Variants in LIPA observed in about 807,000 individuals in gnomAD.
LIPA encodes lipase A, lysosomal acid type.
LIPA carries 26 observed loss-of-function variants against 40.6 expected under a neutral mutation model. That is an observed-to-expected ratio of 0.64 (90% CI 0.47 to 0.89). The LOEUF (loss-of-function observed/expected upper bound fraction) is 0.89, where lower values mean the gene tolerates loss of function less well. Ranked by LOEUF, LIPA falls within the 40% of genes least tolerant of loss-of-function variation. The pLI is 0.00. For synonymous variants in LIPA, 188 were observed against 168.4 expected, an observed-to-expected ratio of 1.12 and a Z score of -0.90; for missense variants, 455 against 479.6, an observed-to-expected ratio of 0.95 and a Z score of 0.48.
At chr10:89,340,414 C>A (rs920241217) in intron 1 of LIPA, 16 of 208,316 alleles carry the variant, frequency 7.7e-5, no homozygotes, top group African/African-American at 3.4e-4. Flanking sequence ...AAAAATTAGC[C>A]AGGCGTGGTG....
At chr10:89,306,977 G>A in intron 1 of LIPA, 1 of 1,613,978 alleles carries the variant, frequency 6.2e-7, no homozygotes, top group Non-Finnish European at 8.5e-7. Flanking sequence ...TTCCATTCTT[G>A]CCAGCCTCCA....
At chr10:89,255,551 A>T (rs1843176738), upstream of LIPA, among the ~76,000 whole-genome samples, 1 of 152,246 alleles carries the variant, frequency 6.6e-6, no homozygotes, top group South Asian at 2.1e-4. Flanking sequence ...AGTGAGAGTT[A>T]ATAATGACTT....
chr10:89,297,006 AG>A (rs1843419255), intron 1 of LIPA, among the ~76,000 whole-genome samples: 1 of 152,196 alleles, frequency 6.6e-6, no homozygotes, highest in African/African-American at 2.4e-5. Flanking sequence ...CACCCTCTCT[AG>A]AAAGAAGAAC....
At chr10:89,383,946 G>A (rs1030979188) in intron 2 of LIPA, 1 of 1,614,152 alleles carries the variant, frequency 6.2e-7, no homozygotes, top group Admixed American at 1.7e-5. Flanking sequence ...GAGCTGTCAG[G>A]CTAAATCCAG....
At chr10:89,215,487 C>T (rs1466109371) in intron 9 of LIPA, among the ~76,000 whole-genome samples, 1 of 152,202 alleles carries the variant, frequency 6.6e-6, no homozygotes, top group Non-Finnish European at 1.5e-5. Flanking sequence ...GAGATAATCA[C>T]GTTTACATCA....
At chr10:89,266,341 C>CAG (rs3063804) in intron 1 of LIPA, among the ~76,000 whole-genome samples, 114,301 of 152,058 alleles carry the variant, frequency 0.75, 44,408 homozygotes, top group East Asian at 0.97. Flanking sequence ...CATATAAATT[C>CAG]AGTCAAGAAT....
chr10:89,407,993 C>T (rs1564814290), intron 2 of LIPA, among the ~76,000 whole-genome samples: 1 of 152,158 alleles, frequency 6.6e-6, no homozygotes, highest in Non-Finnish European at 1.5e-5. Context: ...GTTTCTGCTG[C>T]TGCATCAGTG....
At position 89,228,392 on chromosome 10, in the gene LIPA, T is replaced by C. The variant is rs1271950596; in HGVS notation, c.236A>G (p.Lys79Arg). ...GCCATGTTGCAGGAAGACAACTGGT[T>C]TGGGACCTGAAAAACATTCATTGTT... is the stretch of plus-strand genomic sequence containing the variant. ...GRKNHSDKGPKPVVFLQHGLL... is the reference protein window; with the variant it reads ...GRKNHSDKGPRPVVFLQHGLL... The change falls in exon 4 of 10, where the codon AAA (lysine) becomes AGA (arginine). Residue 79 changes from lysine (K) to arginine (R), a missense_variant. Transcript: ENST00000336233. 2 of 1,614,182 alleles carry C rather than the reference T, an allele frequency of 1.2e-6. No individual in the cohort carries two copies. Among genetic ancestry groups the C allele is most frequent in the Non-Finnish European group, 1.7e-6 (2 of 1,180,006 alleles).
chr10:89,383,319 T>C, intron 2 of LIPA: 3 of 1,607,302 alleles, frequency 1.9e-6, no homozygotes, highest in Non-Finnish European at 2.5e-6. Flanking sequence ...ATTTTTACAG[T>C]GAAGAATCTG....
At position 89,233,380 on chromosome 10, in the gene LIPA, T is replaced by C. The variant is rs1414989858; in HGVS notation, c.230-4982A>G. Among the ~76,000 whole-genome samples the C allele has an allele frequency of 3.9e-5, 6 of 152,214 alleles. No individual in the cohort carries two copies. In the South Asian group the frequency reaches 6.2e-4, roughly 16 times the overall value. The stretch of plus-strand genomic sequence containing the variant: ...TGAAGAAAGGTAAACGTCTGACAAA[T>C]GGCATGGCTTTAGAGAATGGAGGCC... On this transcript the variant is annotated intron_variant, in intron 3 of 9. Transcript: ENST00000336233.
At position 89,392,396 on chromosome 10, in the gene LIPA, T is replaced by C. The variant is rs554810527; in HGVS notation, c.61+20395A>G. Reference sequence around the variant, plus strand: ...AAATGCTGGCCAGTCATTGGGTTTCTGCAGCACTAGAAACATCTATGGTTG... The same window carrying C: ...AAATGCTGGCCAGTCATTGGGTTTCCGCAGCACTAGAAACATCTATGGTTG... On this transcript the variant is annotated intron_variant, in intron 2 of 8. Transcript: ENST00000371837. 11 of 346,510 alleles carry C rather than the reference T, an allele frequency of 3.2e-5. No individual in the cohort carries two copies. In the South Asian group the frequency reaches 4.7e-4, roughly 15 times the overall value. The allele number at this position is 346,510 out of a possible 1,614,324, so 21.5% of individuals were successfully genotyped here.
intron 2 of LIPA, among the ~76,000 whole-genome samples, chr10:89,412,021 G>A (rs945551105): frequency 4.6e-5 from 7 of 152,190 alleles, no homozygotes; most frequent in African/African-American, 1.7e-4. Context: ...CCCCAAATGA[G>A]TTCAACTAAC....
chr10:89,400,614 A>C (rs931156022), intron 2 of LIPA, among the ~76,000 whole-genome samples: 1 of 152,190 alleles, frequency 6.6e-6, no homozygotes, highest in Non-Finnish European at 1.5e-5. Context: ...CTGATTTTTC[A>C]TGTAGATTTT....
chr10:89,214,637 TA>T lies in LIPA; in HGVS notation c.*190del, dbSNP rs1842596060. The T allele has an allele frequency of 1.8e-6, 1 of 566,542 alleles. No individual in the cohort carries two copies. Among genetic ancestry groups the T allele is most frequent in the Non-Finnish European group, 3.1e-6 (1 of 319,910 alleles). The allele number at this position is 566,542 out of a possible 1,614,324, so 35.1% of individuals were successfully genotyped here. ...ACTGGCTTCCTATTCCAGCCCTAAT[TA>T]AAGAAAAAATAGCTAGTATGTTTCT... On this transcript the variant is annotated 3_prime_UTR_variant, in exon 10 of 10. Coordinates refer to ENST00000336233, the MANE Select transcript of LIPA (RefSeq NM_000235.4).
chr10:89,253,585 T>C (rs186668538), upstream of LIPA, among the ~76,000 whole-genome samples: 82 of 152,302 alleles, frequency 5.4e-4, 1 homozygote, highest in East Asian at 0.014. Flanking sequence ...CATTCTGCCC[T>C]TGGCCACTCC....
At chr10:89,237,539 T>C (rs1232538360) in intron 3 of LIPA, among the ~76,000 whole-genome samples, 2 of 152,152 alleles carry the variant, frequency 1.3e-5, no homozygotes, top group East Asian at 1.9e-4. Context: ...CAAGAAGGGA[T>C]AGGCTAACTC....
At position 89,370,751 on chromosome 10, in the gene LIPA, C is replaced by T. The variant is rs547761163; in HGVS notation, c.61+42040G>A. 6.1e-4 allele frequency among the ~76,000 whole-genome samples: 93 copies of T among 152,236 alleles called. 1 individual carries two copies. Among genetic ancestry groups the T allele is most frequent in the African/African-American group, 2.2e-3 (90 of 41,542 alleles). Reference sequence around the variant, plus strand: ...TGTCTCCAGGGGCCAAGTGTGGTGGCTCATGCCTGTAATCCAGCACTTTGG... The same window carrying T: ...TGTCTCCAGGGGCCAAGTGTGGTGGTTCATGCCTGTAATCCAGCACTTTGG... On this transcript the variant is annotated intron_variant, in intron 2 of 8. Coordinates refer to the LIPA transcript ENST00000371837.
At chr10:89,356,222 G>T (rs957681365) in intron 2 of LIPA, among the ~76,000 whole-genome samples, 3 of 152,050 alleles carry the variant, frequency 2.0e-5, no homozygotes, top group Non-Finnish European at 1.5e-5. Flanking sequence ...GGGTGAGTAG[G>T]GGGAGGAAGG....
chr10:89,217,721 T>C (rs113643106), intron 8 of LIPA, among the ~76,000 whole-genome samples: 65 of 152,316 alleles, frequency 4.3e-4, no homozygotes, highest in African/African-American at 1.5e-3. Context: ...TTTTAATAAG[T>C]AACAATCCCT....
Sources: allele counts gnomAD v4.1 joint callset (sites outside exome capture counted in the v4.1 genomes callset), GRCh38; gene constraint gnomAD v4.1.1; transcripts MANE v1.5; gene names NCBI Gene and HGNC (gene_info 2026-07-23, HGNC 2026-07-21).